Variants in CD200 observed in about 807,000 individuals in gnomAD.
CD200 encodes OX-2 membrane glycoprotein.
CD200 carries 15 observed loss-of-function variants against 30.9 expected under a neutral mutation model. That is an observed-to-expected ratio of 0.49 (90% CI 0.32 to 0.75). The LOEUF (loss-of-function observed/expected upper bound fraction) is 0.75, where lower values mean the gene tolerates loss of function less well. CD200 is among the 30% of genes least tolerant of loss of function. The pLI, the probability that CD200 is intolerant of heterozygous loss-of-function variation, is 0.03. For missense variants in CD200, 262 were observed against 324.2 expected, an observed-to-expected ratio of 0.81 and a Z score of 1.47; for synonymous variants, 134 against 126.2, an observed-to-expected ratio of 1.06 and a Z score of -0.41.
chr3:112,333,031 C>A (rs2081029615), upstream of CD200: 1 of 797,430 alleles, frequency 1.3e-6, no homozygotes, highest in Non-Finnish European at 2.0e-6. Context: ...TTAATTCCCC[C>A]CACACAGACA....
At chr3:112,352,533 G>A (rs2081552624) in intron 5 of CD200, among the ~76,000 whole-genome samples, 1 of 97,330 alleles carries the variant, frequency 1.0e-5, no homozygotes, top group Non-Finnish European at 2.1e-5. Flanking sequence ...AAGTGAAGAG[G>A]TGGAACTGAG....
intron 5 of CD200, among the ~76,000 whole-genome samples, chr3:112,358,262 G>A (rs13090468): frequency 0.39 from 59,697 of 152,012 alleles, 12,227 homozygotes; most frequent in Middle Eastern, 0.49. Flanking sequence ...ATGGGAATCT[G>A]TTGTTTTTCT....
chr3:112,333,378 C>G (rs2081040909), intron 1 of CD200, 154 bp downstream of exon 1: 1 of 985,450 alleles, frequency 1.0e-6, no homozygotes. Context: ...CAGCGCTTTT[C>G]TCTAAGCGCT....
At chr3:112,336,848 G>A (rs2081129134) in intron 1 of CD200, among the ~76,000 whole-genome samples, 1 of 152,078 alleles carries the variant, frequency 6.6e-6, no homozygotes, top group African/African-American at 2.4e-5. Flanking sequence ...TGATCATACT[G>A]CTAAATACCA....
chr3:112,345,134 C>A lies in CD200; in HGVS notation c.267C>A (p.Ala89=). The A allele has an allele frequency of 1.2e-6, 2 of 1,614,076 alleles. No individual in the cohort carries two copies. The highest frequency in any genetic ancestry group is 1.7e-6 in the Non-Finnish European group (2 of 1,179,992). The change falls in exon 3 of 6, where the codon GCC becomes GCA. Residue 89 remains alanine (A), a synonymous_variant. Transcript: ENST00000315711. ...SENHGVVIQP[A]YKDKINITQL... is the part of the protein sequence containing the mutation. ...ACCATGGGGTGGTGATCCAGCCTGC[C>A]TATAAGGACAAGATAAACATTACCC... is the stretch of plus-strand genomic sequence containing the variant.
intron 4 of CD200, among the ~76,000 whole-genome samples, chr3:112,348,531 T>C (rs2081456415): frequency 6.6e-6 from 1 of 152,176 alleles, no homozygotes; most frequent in African/African-American, 2.4e-5. Context: ...GGAGCAGAGA[T>C]TATAAAGACA....
At chr3:112,350,719 A>T (rs1434021758) in intron 5 of CD200, among the ~76,000 whole-genome samples, 1 of 152,248 alleles carries the variant, frequency 6.6e-6, no homozygotes, top group Non-Finnish European at 1.5e-5. Context: ...GGGTCAGGAA[A>T]GAAAAATAGT....
At chr3:112,346,390 C>T (rs571074011) in intron 3 of CD200, among the ~76,000 whole-genome samples, 38 of 152,044 alleles carry the variant, frequency 2.5e-4, no homozygotes, top group African/African-American at 8.9e-4. Context: ...CTCCTTCCTT[C>T]ACTCATAGAC....
intron 2 of CD200, among the ~76,000 whole-genome samples, chr3:112,342,230 T>C (rs2081253801): frequency 6.6e-6 from 1 of 152,078 alleles, no homozygotes. Context: ...TCTCTTCTTT[T>C]CTATTAAATG....
intron 1 of CD200, among the ~76,000 whole-genome samples, chr3:112,337,036 G>T (rs1441553109): frequency 6.6e-6 from 1 of 152,126 alleles, no homozygotes; most frequent in African/African-American, 2.4e-5. Context: ...ATAGCTGGGG[G>T]AGTGGCGGGG....
In CD200 at chr3:112,353,572, A is replaced by C. The variant is rs116737187; in HGVS notation, c.802+3753A>C. Among the ~76,000 whole-genome samples, 847 of 152,302 alleles carry C rather than the reference A, an allele frequency of 5.6e-3. 6 individuals carry two copies. The highest frequency in any genetic ancestry group is 0.019 in the African/African-American group (797 of 41,566). ...AAAACGTCATTTCCTGGATAACAGC[A>C]TGTGACTTTCTCCTATTTTAAGCTT... is the stretch of plus-strand genomic sequence containing the variant. On this transcript the variant is annotated intron_variant, in intron 5 of 5. Transcript: ENST00000315711.
intron 1 of CD200, 49 bp downstream of exon 1, chr3:112,333,273 G>C: frequency 1.3e-6 from 2 of 1,538,806 alleles, no homozygotes; most frequent in Non-Finnish European, 1.8e-6. Flanking sequence ...AGGCGATGTT[G>C]AGCCGGTGGC....
At chr3:112,350,065 A>G in intron 5 of CD200, 1 of 722,882 alleles carries the variant, frequency 1.4e-6, no homozygotes, top group South Asian at 6.2e-5. Flanking sequence ...AAATCAAACA[A>G]TGGTGATAGA....
intron 4 of CD200, 127 bp downstream of exon 4, chr3:112,347,957 G>A: frequency 2.3e-5 from 19 of 833,386 alleles, no homozygotes; most frequent in South Asian, 5.9e-5. Context: ...GGGCAAATAA[G>A]GAAAAAACAA....
Position 112,340,960 on chromosome 3 carries a change from C to T in CD200, c.71C>T (p.Ala24Val). The T allele has an allele frequency of 6.2e-7, 1 of 1,611,822 alleles. No individual in the cohort carries two copies. Among genetic ancestry groups the T allele is most frequent in the Non-Finnish European group, 8.5e-7 (1 of 1,177,944 alleles). The part of the protein sequence containing the change: ...STYSLVWVMA[A>V]VVLCTAQVQV... ...TACAGCCTGGTTTGGGTCATGGCAGCAGTGGTGCTGTGCACAGCACAAGGT... is the reference window on the plus strand; with the variant it reads ...TACAGCCTGGTTTGGGTCATGGCAGTAGTGGTGCTGTGCACAGCACAAGGT... Residue 24 changes from alanine (A) to valine (V), a missense_variant, in exon 2 of 6, where the codon GCA becomes GTA. Ala to Val is a moderately conservative substitution (Grantham distance 64, BLOSUM62 0). Coordinates refer to ENST00000315711, the MANE Select transcript of CD200 (RefSeq NM_005944.7).
At chr3:112,347,930 T>G in intron 4 of CD200, 100 bp downstream of exon 4, 1 of 1,063,010 alleles carries the variant, frequency 9.4e-7, no homozygotes, top group Admixed American at 2.4e-5. Context: ...TAGCATAATC[T>G]ATTTGGAGAA....
intron 5 of CD200, among the ~76,000 whole-genome samples, chr3:112,353,823 T>C (rs2081580325): frequency 6.6e-6 from 1 of 152,172 alleles, no homozygotes; most frequent in Admixed American, 6.6e-5. Context: ...AAAAAGTACT[T>C]ATGCTTCCCT....
In CD200 at chr3:112,360,813, A is replaced by T. The variant is rs139992057; in HGVS notation, c.803-730A>T. 5.5e-3 allele frequency among the ~76,000 whole-genome samples: 842 copies of T among 152,334 alleles called. 5 individuals carry two copies. Among genetic ancestry groups the T allele is most frequent in the African/African-American group, 0.019 (789 of 41,562 alleles). Reference sequence around the variant, plus strand: ...TCCCAGTATGTGCCAGAAAGCCACTAGCCCTTGGAAAGGCCTCTACTTCGT... The same window carrying T: ...TCCCAGTATGTGCCAGAAAGCCACTTGCCCTTGGAAAGGCCTCTACTTCGT... On this transcript the variant is annotated intron_variant, in intron 5 of 5. Transcript: ENST00000315711.
At position 112,347,599 on chromosome 3, in the gene CD200, C is replaced by A. The variant is rs143848645; in HGVS notation, c.463C>A (p.His155Asn). 6.2e-7 allele frequency: 1 copy of A among 1,613,854 alleles called. No individual in the cohort carries two copies. The highest frequency in any genetic ancestry group is 1.1e-5 in the South Asian group (1 of 91,064). ...CCTTCACTACAAATTCTCTGAAGAC[C>A]ACCTAAATATCACTTGCTCTGCCAC... The part of the protein sequence containing the change: ...VSLHYKFSED[H>N]LNITCSATAR... Residue 155 changes from histidine (H) to asparagine (N), a missense_variant, in exon 4 of 6, where the codon CAC becomes AAC. Physicochemically the swap from His to Asn is moderately conservative, Grantham distance 68 (BLOSUM62 1). Coordinates refer to ENST00000315711, the MANE Select transcript of CD200 (RefSeq NM_005944.7).
Sources: gnomAD v4.1 joint callset for allele counts (sites outside exome capture counted in the v4.1 genomes callset) on GRCh38, gnomAD v4.1.1 for gene constraint, MANE v1.5 for transcripts, NCBI Gene and HGNC (gene_info 2026-07-23, HGNC 2026-07-21) for gene names.